Variants in POU2F1 observed in about 807,000 individuals in gnomAD.
POU2F1 encodes the protein POU domain, class 2, transcription factor 1.
Under a neutral mutation model 84.9 loss-of-function variants are expected in POU2F1, and 16 were observed. The ratio of observed to expected loss-of-function variants is 0.19; its 90% CI spans 0.13 to 0.29. The LOEUF (loss-of-function observed/expected upper bound fraction) is 0.29, where lower values mean the gene tolerates loss of function less well. Among genes scored for constraint, POU2F1 ranks in the 10% least tolerant of loss-of-function variants. The probability of loss-of-function intolerance (pLI) is 1.00; values close to 1 mark genes in which losing one functional copy is unlikely to be tolerated. For synonymous variants in POU2F1, 368 were observed against 368.3 expected (o/e 1.00, Z 0.01); for missense variants, 738 against 942.6 (o/e 0.78, Z 2.84).
chr1:167,256,719 AATTT>A (rs1186964385), intron 1 of POU2F1, among the ~76,000 whole-genome samples: 1 of 152,088 alleles, frequency 6.6e-6, no homozygotes, highest in Non-Finnish European at 1.5e-5. Context: ...AAGGGAGAGT[AATTT>A]ATTTATTTAT....
chr1:167,266,622 AT>A (rs34659711), intron 1 of POU2F1, among the ~76,000 whole-genome samples: 3,429 of 136,808 alleles, frequency 0.025, 74 homozygotes, highest in African/African-American at 0.073. Context: ...AATACTATTA[AT>A]TTTTTTTTTT....
At chr1:167,349,425 A>G (rs530829556) in intron 2 of POU2F1, among the ~76,000 whole-genome samples, 1 of 152,186 alleles carries the variant, frequency 6.6e-6, no homozygotes, top group East Asian at 1.9e-4. Flanking sequence ...TTTCCATAGC[A>G]TTTATTTGTA....
intron 1 of POU2F1, among the ~76,000 whole-genome samples, chr1:167,277,498 T>TAAA (rs34080201): frequency 3.7e-5 from 5 of 135,596 alleles, no homozygotes; most frequent in Non-Finnish European, 4.9e-5. Context: ...CCTGGCTAAT[T>TAAA]AAAAAAAAAA....
chr1:167,340,455 A>G, intron 2 of POU2F1, among the ~76,000 whole-genome samples: 1 of 112,610 alleles, frequency 8.9e-6, no homozygotes, highest in African/African-American at 3.7e-5. Context: ...TTTTGGAGAC[A>G]GAGTCTCACT....
At chr1:167,330,914 T>C (rs184637005) in intron 1 of POU2F1, among the ~76,000 whole-genome samples, 1 of 152,230 alleles carries the variant, frequency 6.6e-6, no homozygotes, top group Non-Finnish European at 1.5e-5. Context: ...AAAGGAAGCA[T>C]GGAGCAGTAT....
chr1:167,262,071 T>A (rs1651608188), intron 1 of POU2F1, among the ~76,000 whole-genome samples: 5 of 152,230 alleles, frequency 3.3e-5, no homozygotes, highest in African/African-American at 9.6e-5. Context: ...TTAGGAACCT[T>A]CTTGGGACAG....
chr1:167,314,368 A>G (rs557222520), intron 1 of POU2F1, among the ~76,000 whole-genome samples: 25 of 152,252 alleles, frequency 1.6e-4, no homozygotes, highest in Non-Finnish European at 2.6e-4. Flanking sequence ...AACAGCTAAA[A>G]TAAAAAATAG....
chr1:167,357,761 C>T (rs1659059176), intron 2 of POU2F1, among the ~76,000 whole-genome samples: 1 of 151,412 alleles, frequency 6.6e-6, no homozygotes. Flanking sequence ...TATATGATTC[C>T]ACCCCGCCCT....
chr1:167,360,707 G>GT (rs1419237070), intron 2 of POU2F1, among the ~76,000 whole-genome samples: 1 of 151,990 alleles, frequency 6.6e-6, no homozygotes, highest in Non-Finnish European at 1.5e-5. Flanking sequence ...TTTTAGAATA[G>GT]TTTTTTTCTA....
At chr1:167,373,979 C>A in intron 5 of POU2F1, 129 bp from the exon 6 acceptor site, 1 of 788,792 alleles carries the variant, frequency 1.3e-6, no homozygotes, top group Non-Finnish European at 2.2e-6. Flanking sequence ...TTTTAGCTGT[C>A]TGCTAAGCAA....
At chr1:167,335,941 T>A (rs1410903890) in intron 2 of POU2F1, among the ~76,000 whole-genome samples, 1 of 152,198 alleles carries the variant, frequency 6.6e-6, no homozygotes, top group Non-Finnish European at 1.5e-5. Context: ...ATATTTTTCA[T>A]TAAATATGTT....
chr1:167,243,425 G>A (rs1650059408), intron 1 of POU2F1, among the ~76,000 whole-genome samples: 1 of 152,128 alleles, frequency 6.6e-6, no homozygotes, highest in Non-Finnish European at 1.5e-5. Context: ...TAATGACTTG[G>A]AACTCTCAAA....
chr1:167,233,327 G>A (rs1160951121), intron 1 of POU2F1, among the ~76,000 whole-genome samples: 3 of 150,004 alleles, frequency 2.0e-5, no homozygotes, highest in Non-Finnish European at 4.4e-5. Flanking sequence ...TTGTAGAGAC[G>A]GGGCTTCGCC....
chr1:167,411,013 C>CT (rs528544904), intron 13 of POU2F1, among the ~76,000 whole-genome samples: 2 of 151,408 alleles, frequency 1.3e-5, no homozygotes, highest in Non-Finnish European at 2.9e-5. Flanking sequence ...TATTCAGGCA[C>CT]TTTTTTCTAA....
At chr1:167,388,457 A>G (rs1472405321) in intron 8 of POU2F1, among the ~76,000 whole-genome samples, 1 of 152,224 alleles carries the variant, frequency 6.6e-6, no homozygotes, top group African/African-American at 2.4e-5. Flanking sequence ...TTACACACAT[A>G]GGTGGAAAAA....
intron 1 of POU2F1, among the ~76,000 whole-genome samples, chr1:167,263,706 C>T (rs1448245045): frequency 6.6e-6 from 1 of 152,164 alleles, no homozygotes; most frequent in Non-Finnish European, 1.5e-5. Flanking sequence ...ATTTCATACC[C>T]CAACAGTCAA....
At chr1:167,259,587 T>TTG (rs761986664) in intron 1 of POU2F1, among the ~76,000 whole-genome samples, 4 of 152,190 alleles carry the variant, frequency 2.6e-5, no homozygotes, top group Admixed American at 1.3e-4. Flanking sequence ...GGGGGTGTGT[T>TTG]TGTGTGTGTA....
intron 13 of POU2F1, among the ~76,000 whole-genome samples, chr1:167,408,265 C>T (rs1323827026): frequency 6.6e-6 from 1 of 152,172 alleles, no homozygotes; most frequent in African/African-American, 2.4e-5. Flanking sequence ...GAAACTGGAA[C>T]TTTCATGCAT....
chr1:167,257,234 A>G (rs1651204830), intron 1 of POU2F1, among the ~76,000 whole-genome samples: 1 of 152,188 alleles, frequency 6.6e-6, no homozygotes, highest in African/African-American at 2.4e-5. Context: ...TTTTTCTTTG[A>G]TTTAAACAGA....
Sources: allele counts gnomAD v4.1 joint callset (sites outside exome capture counted in the v4.1 genomes callset), GRCh38; gene constraint gnomAD v4.1.1; transcripts MANE v1.5; gene names NCBI Gene and HGNC (gene_info 2026-07-23, HGNC 2026-07-21).